SGK3: variants seen among roughly 807,000 people sequenced by gnomAD.
SGK3 encodes serum/glucocorticoid regulated kinase family member 3, also known as serine/threonine-protein kinase Sgk3.
SGK3 carries 47 observed loss-of-function variants against 68.5 expected under a neutral mutation model. The ratio of observed to expected loss-of-function variants is 0.69; its 90% CI spans 0.54 to 0.87. The LOEUF is 0.87. Ranked by LOEUF, SGK3 falls within the 40% of genes least tolerant of loss-of-function variation. The pLI is 0.00. For synonymous variants in SGK3, 181 were observed against 189.1 expected (o/e 0.96, Z 0.35); for missense variants, 479 against 575.5 (o/e 0.83, Z 1.72).
intron 4 of SGK3, among the ~76,000 whole-genome samples, chr8:66,812,292 G>A (rs1190712334): frequency 2.0e-5 from 3 of 151,866 alleles, no homozygotes; most frequent in African/African-American, 7.3e-5. Context: ...GGTGCGGTGG[G>A]TCACGCCTGT....
chr8:66,835,629 A>G lies in SGK3; in HGVS notation c.526-134A>G, dbSNP rs982235212. 1.2e-5 allele frequency: 11 copies of G among 952,978 alleles called. No homozygotes were observed. In the African/African-American group the frequency reaches 1.5e-4, roughly 13 times the overall value. 59.0% of individuals were successfully genotyped at this position (952,978 alleles called of 1,614,324 possible). On this transcript the variant is annotated intron_variant, in intron 8 of 16. Transcript: ENST00000521198. ...GGTGCCTGATTACTTGATTTTTAAA[A>G]CAAAAACATGATCTAGGTCCCTTAT...
At chr8:66,819,639 A>G (rs2130661912) in intron 5 of SGK3, among the ~76,000 whole-genome samples, 1 of 152,312 alleles carries the variant, frequency 6.6e-6, no homozygotes, top group Middle Eastern at 3.4e-3. Flanking sequence ...AGAGAAAAAG[A>G]CTGAAATAAA....
At chr8:66,790,986 A>G (rs1224233483) in intron 1 of SGK3, among the ~76,000 whole-genome samples, 2 of 152,224 alleles carry the variant, frequency 1.3e-5, no homozygotes, top group African/African-American at 4.8e-5. Flanking sequence ...GACATGCTCA[A>G]AAGTAGTTGA....
chr8:66,738,110 A>G (rs1805376850), intron 1 of SGK3, among the ~76,000 whole-genome samples: 1 of 151,934 alleles, frequency 6.6e-6, no homozygotes, highest in South Asian at 2.1e-4. Context: ...GTCCCTCTTC[A>G]ATTTATGGTC....
intron 2 of SGK3, among the ~76,000 whole-genome samples, chr8:66,796,296 C>T (rs1807682328): frequency 6.7e-6 from 1 of 148,870 alleles, no homozygotes; most frequent in Admixed American, 6.8e-5. Context: ...GCCACCACGC[C>T]CAGCTAATTT....
At chr8:66,790,045 T>A (rs553206530) in intron 1 of SGK3, among the ~76,000 whole-genome samples, 1 of 152,170 alleles carries the variant, frequency 6.6e-6, no homozygotes, top group African/African-American at 2.4e-5. Flanking sequence ...GCCACTGCAC[T>A]GCAGCCTAGG....
chr8:66,750,840 AC>A (rs1357727710), intron 1 of SGK3, among the ~76,000 whole-genome samples: 9 of 149,478 alleles, frequency 6.0e-5, no homozygotes, highest in Admixed American at 3.3e-4. Flanking sequence ...CCCCATCTCT[AC>A]CAAAAAATAT....
chr8:66,838,863 A>G (rs1809650760), intron 10 of SGK3, among the ~76,000 whole-genome samples: 1 of 152,162 alleles, frequency 6.6e-6, no homozygotes. Context: ...ACTTTGACAT[A>G]CGAATACTTA....
chr8:66,764,110 AC>A (rs1806249455), intron 1 of SGK3, among the ~76,000 whole-genome samples: 1 of 152,090 alleles, frequency 6.6e-6, no homozygotes, highest in Non-Finnish European at 1.5e-5. Context: ...CGATCTGCCC[AC>A]CTTGGCCCCC....
chr8:66,857,747 C>A (rs1383465752), intron 16 of SGK3, among the ~76,000 whole-genome samples: 9 of 151,334 alleles, frequency 5.9e-5, no homozygotes, highest in Non-Finnish European at 1.3e-4. Flanking sequence ...TGTGCCACTG[C>A]ATTCCAGCCT....
At chr8:66,761,248 G>T (rs1223127566) in intron 1 of SGK3, among the ~76,000 whole-genome samples, 2 of 152,120 alleles carry the variant, frequency 1.3e-5, no homozygotes, top group African/African-American at 4.8e-5. Context: ...GAACAGCTGG[G>T]ACTACAGGTG....
At chr8:66,783,818 C>G (rs992648808) in intron 1 of SGK3, among the ~76,000 whole-genome samples, 4 of 152,114 alleles carry the variant, frequency 2.6e-5, no homozygotes, top group African/African-American at 9.7e-5. Context: ...AAGCATAGTG[C>G]CTGGCCATTT....
rs537110238 is a variant in SGK3 at position 66,766,525 on chromosome 8, TATAAATAA to T, written c.-121-27073_-121-27066del. On this transcript the variant is annotated intron_variant, in intron 1 of 16. Coordinates refer to ENST00000521198, the MANE Select transcript of SGK3 (RefSeq NM_001033578.3). ...GCGACAGAGCAAGACTGTCTCAAAA[TATAAATAA>T]ATAAATAAATAAATAAAATCTCAAG... Among the ~76,000 whole-genome samples the T allele has an allele frequency of 5.3e-5, 8 of 152,100 alleles. 1 individual carries two copies. The South Asian group carries it at 1.2e-3, about 24-fold the overall frequency.
intron 16 of SGK3, among the ~76,000 whole-genome samples, chr8:66,852,525 C>T (rs929852781): frequency 1.9e-4 from 29 of 152,148 alleles, no homozygotes; most frequent in South Asian, 1.7e-3. Flanking sequence ...ATGATCCACC[C>T]GCCTCAGCCT....
chr8:66,767,721 C>T (rs1563616823), intron 1 of SGK3: 3 of 1,511,544 alleles, frequency 2.0e-6, no homozygotes, highest in Non-Finnish European at 2.8e-6. Flanking sequence ...TAACAGTCTT[C>T]TCAGTCATCT....
chr8:66,731,129 G>C (rs35279232), intron 1 of SGK3, among the ~76,000 whole-genome samples: 1 of 152,146 alleles, frequency 6.6e-6, no homozygotes, highest in Non-Finnish European at 1.5e-5. Flanking sequence ...TTTTGTCAGA[G>C]AACACACTTT....
intron 16 of SGK3, among the ~76,000 whole-genome samples, chr8:66,858,334 T>G (rs192767513): frequency 2.0e-5 from 3 of 151,642 alleles, no homozygotes; most frequent in Non-Finnish European, 4.4e-5. Context: ...GGCATGGTGG[T>G]GGGCGCCTGT....
intron 10 of SGK3, 166 bp from the exon 11 acceptor site, chr8:66,839,837 G>T (rs1308228283): frequency 1.7e-6 from 1 of 596,766 alleles, no homozygotes. Context: ...GTGGGGACAT[G>T]GATGAAGGGG....
chr8:66,789,267 A>G (rs536811568), intron 1 of SGK3, among the ~76,000 whole-genome samples: 2 of 152,250 alleles, frequency 1.3e-5, no homozygotes, highest in African/African-American at 4.8e-5. Flanking sequence ...TTAAATGGGG[A>G]TATAAAAAGT....
Sources: gnomAD v4.1 joint callset for allele counts (sites outside exome capture counted in the v4.1 genomes callset) on GRCh38, gnomAD v4.1.1 for gene constraint, MANE v1.5 for transcripts, NCBI Gene and HGNC (gene_info 2026-07-23, HGNC 2026-07-21) for gene names.